The following WDFY1 variants were observed in gnomAD, a reference collection of about 807,000 sequenced individuals.
WDFY1 encodes WD repeat and FYVE domain-containing protein 1.
In WDFY1, 32 loss-of-function variants were observed where a neutral mutation model predicts 56.4. The observed-to-expected ratio is 0.57, with a 90% CI of 0.43 to 0.76. The LOEUF is 0.76. WDFY1 is among the 30% of genes least tolerant of loss of function. WDFY1 has a pLI of 0.00. For synonymous variants in WDFY1, 192 were observed against 197.3 expected, an observed-to-expected ratio of 0.97 and a Z score of 0.23; for missense variants, 480 against 545.7, an observed-to-expected ratio of 0.88 and a Z score of 1.20.
intron 6 of WDFY1, among the ~76,000 whole-genome samples, chr2:223,896,087 T>TG (rs1025228654): frequency 1.5e-5 from 2 of 129,888 alleles, no homozygotes; most frequent in Non-Finnish European, 3.1e-5. Flanking sequence ...ACCCAGGAGG[T>TG]GGAAGTTGCA....
At chr2:223,896,433 A>AG (rs1307955930) in intron 6 of WDFY1, among the ~76,000 whole-genome samples, 2 of 152,218 alleles carry the variant, frequency 1.3e-5, no homozygotes, top group Non-Finnish European at 2.9e-5. Flanking sequence ...TAAGTACCAC[A>AG]GAAAAAAGTC....
intron 3 of WDFY1, among the ~76,000 whole-genome samples, chr2:223,907,041 C>T (rs545240980): frequency 1.3e-5 from 2 of 151,944 alleles, no homozygotes; most frequent in East Asian, 3.9e-4. Context: ...GTGATGCAAT[C>T]TCAGCTCACT....
At chr2:223,893,804 T>C (rs1325872347) in intron 8 of WDFY1, among the ~76,000 whole-genome samples, 1 of 152,204 alleles carries the variant, frequency 6.6e-6, no homozygotes, top group Non-Finnish European at 1.5e-5. Flanking sequence ...AATGGAAATA[T>C]ATTTTCCCAG....
Position 223,875,584 on chromosome 2 carries a change from ATT to A in WDFY1, c.*3085_*3086del, listed in dbSNP as rs1421194710. On this transcript the variant is annotated 3_prime_UTR_variant, in exon 12 of 12. Coordinates refer to ENST00000233055, the MANE Select transcript of WDFY1 (RefSeq NM_020830.5). ...CACTTTAAATTGTACTCTAATACAA[ATT>A]TGTTGCACAATTAAACTTCAACTTA... The A allele has an allele frequency of 6.6e-6, 1 of 152,234 alleles. No homozygotes were observed. The highest frequency in any genetic ancestry group is 1.5e-5 in the Non-Finnish European group (1 of 68,034). The allele number at this position is 152,234 out of a possible 1,614,324, so 9.4% of individuals were successfully genotyped here. A position where few individuals can be genotyped will look rare whatever the true frequency, so the allele number is the denominator to read the frequency against.
chr2:223,906,884 T>C (rs1309081608), intron 3 of WDFY1, among the ~76,000 whole-genome samples: 1 of 151,826 alleles, frequency 6.6e-6, no homozygotes, highest in Non-Finnish European at 1.5e-5. Context: ...ATGTGTTTTA[T>C]TGCAAAAAAA....
At chr2:223,938,471 A>C (rs918897880) in intron 1 of WDFY1, among the ~76,000 whole-genome samples, 2 of 152,210 alleles carry the variant, frequency 1.3e-5, no homozygotes, top group Non-Finnish European at 2.9e-5. Context: ...TTCCCCTACC[A>C]GGAAAGTCAC....
At chr2:223,927,075 A>G (rs1000930032) in intron 1 of WDFY1, among the ~76,000 whole-genome samples, 4 of 152,238 alleles carry the variant, frequency 2.6e-5, no homozygotes, top group Admixed American at 2.0e-4. Context: ...GTTGTCATCC[A>G]GGCTTTGTTG....
At chr2:223,917,077 G>A (rs1455688754) in intron 2 of WDFY1, among the ~76,000 whole-genome samples, 3 of 152,036 alleles carry the variant, frequency 2.0e-5, no homozygotes, top group Non-Finnish European at 2.9e-5. Context: ...GCCTCCCAAA[G>A]TGCTGGGATT....
chr2:223,918,923 G>A (rs1443171143), intron 1 of WDFY1, among the ~76,000 whole-genome samples: 3 of 152,152 alleles, frequency 2.0e-5, no homozygotes, highest in Admixed American at 6.5e-5. Flanking sequence ...CTCTTTCATC[G>A]GAACATGCAC....
rs1434452108 is a variant in WDFY1 at position 223,878,095 on chromosome 2, GC to G, written c.*575del. 6 of 152,476 alleles carry G rather than the reference GC, an allele frequency of 3.9e-5. No homozygotes were observed. Among genetic ancestry groups the G allele is most frequent in the Non-Finnish European group, 7.3e-5 (5 of 68,066 alleles). 9.4% of individuals were successfully genotyped at this position (152,476 alleles called of 1,614,324 possible). A position where few individuals can be genotyped will look rare whatever the true frequency, so the allele number is the denominator to read the frequency against. ...AAGCCAATGCTAAGTGCAGATTATG[GC>G]ACTACCTGAAAATAACAGATCTCTT... On this transcript the variant is annotated 3_prime_UTR_variant, in exon 12 of 12. Transcript: ENST00000233055.
At chr2:223,926,635 T>C (rs1454895081) in intron 1 of WDFY1, among the ~76,000 whole-genome samples, 1 of 144,006 alleles carries the variant, frequency 6.9e-6, no homozygotes, top group African/African-American at 2.6e-5. Context: ...GTATTTCATA[T>C]ATATACAAAT....
At chr2:223,886,645 G>A (rs1041212965) in intron 8 of WDFY1, among the ~76,000 whole-genome samples, 4 of 142,890 alleles carry the variant, frequency 2.8e-5, no homozygotes, top group African/African-American at 5.2e-5. Context: ...AGAGAAAATC[G>A]CTTGAAACTG....
At chr2:223,938,336 T>C (rs1574783932) in intron 1 of WDFY1, among the ~76,000 whole-genome samples, 1 of 152,202 alleles carries the variant, frequency 6.6e-6, no homozygotes, top group South Asian at 2.1e-4. Flanking sequence ...AATTGTATCA[T>C]TCAATCAACT....
At chr2:223,911,800 T>C (rs1179799369) in intron 3 of WDFY1, among the ~76,000 whole-genome samples, 2 of 147,496 alleles carry the variant, frequency 1.4e-5, no homozygotes, top group Non-Finnish European at 3.0e-5. Context: ...TTTGACCTAA[T>C]ATCTATACTG....
intron 1 of WDFY1, among the ~76,000 whole-genome samples, chr2:223,942,510 G>T: frequency 7.2e-6 from 1 of 139,030 alleles, no homozygotes; most frequent in Admixed American, 7.4e-5. Flanking sequence ...GAGCCACTGC[G>T]CCTGGCCAAA....
chr2:223,896,440 A>G (rs181222357), intron 6 of WDFY1, among the ~76,000 whole-genome samples: 4 of 152,300 alleles, frequency 2.6e-5, no homozygotes, highest in East Asian at 3.9e-4. Context: ...CACAGAAAAA[A>G]GTCTGTTGTA....
intron 3 of WDFY1, among the ~76,000 whole-genome samples, chr2:223,909,930 C>T (rs963998743): frequency 2.0e-5 from 3 of 152,232 alleles, no homozygotes; most frequent in African/African-American, 4.8e-5. Context: ...GCTGAAAACA[C>T]TTTAACAGCT....
chr2:223,895,779 G>T, intron 6 of WDFY1, 149 bp from the exon 7 acceptor site: 2 of 977,482 alleles, frequency 2.0e-6, no homozygotes, highest in South Asian at 3.2e-5. Context: ...TGTACAACGG[G>T]TCATTCAACC....
intron 1 of WDFY1, among the ~76,000 whole-genome samples, chr2:223,920,579 A>C (rs1693871046): frequency 6.6e-6 from 1 of 152,258 alleles, no homozygotes; most frequent in Non-Finnish European, 1.5e-5. Flanking sequence ...CCAGAGCCAC[A>C]GTCTCCTTTC....
Sources: gnomAD v4.1 joint callset for allele counts (sites outside exome capture counted in the v4.1 genomes callset) on GRCh38, gnomAD v4.1.1 for gene constraint, MANE v1.5 for transcripts, NCBI Gene and HGNC (gene_info 2026-07-23, HGNC 2026-07-21) for gene names.